MANEA: variants seen among roughly 807,000 people sequenced by gnomAD.
MANEA encodes the protein glycoprotein endo-alpha-1,2-mannosidase.
A neutral mutation model predicts 36.8 loss-of-function variants in MANEA; 25 were observed. The ratio of observed to expected loss-of-function variants is 0.68; its 90% CI spans 0.50 to 0.95. The LOEUF (loss-of-function observed/expected upper bound fraction) is 0.95. Among genes scored for constraint, MANEA ranks in the 40% least tolerant of loss-of-function variants. The pLI, the probability that MANEA is intolerant of heterozygous loss-of-function variation, is 0.00. For synonymous variants in MANEA, 198 were observed against 188.5 expected (o/e 1.05, Z -0.41); for missense variants, 565 against 558.8 (o/e 1.01, Z -0.11).
At chr6:95,585,638 G>T (rs1409338096) in intron 1 of MANEA, among the ~76,000 whole-genome samples, 1 of 151,878 alleles carries the variant, frequency 6.6e-6, no homozygotes, top group Non-Finnish European at 1.5e-5. Flanking sequence ...GAAAAAATTG[G>T]GAATATCTTA....
At chr6:95,580,786 A>T (rs75524712) in intron 1 of MANEA, among the ~76,000 whole-genome samples, 6,136 of 151,980 alleles carry the variant, frequency 0.04, 125 homozygotes, top group Non-Finnish European at 0.051. Context: ...AATAAAATAT[A>T]TGAGGAATAA....
intron 2 of MANEA, among the ~76,000 whole-genome samples, chr6:95,589,401 G>T (rs180688976): frequency 5.6e-4 from 85 of 152,214 alleles, no homozygotes; most frequent in African/African-American, 2.0e-3. Context: ...TTGAATTGCT[G>T]TGTGAAGTAA....
At chr6:95,603,290 C>T (rs1368223642) in intron 3 of MANEA, among the ~76,000 whole-genome samples, 3 of 151,808 alleles carry the variant, frequency 2.0e-5, no homozygotes, top group Non-Finnish European at 4.4e-5. Context: ...TTAGAAAACA[C>T]AGTGATGTAA....
intron 2 of MANEA, chr6:95,587,257 A>G (rs1769306686): frequency 5.2e-6 from 2 of 382,022 alleles, no homozygotes; most frequent in South Asian, 6.7e-5. Flanking sequence ...TTATTAAATT[A>G]TGATTTACAT....
chr6:95,600,892 T>A (rs1453629950), intron 3 of MANEA, among the ~76,000 whole-genome samples: 6 of 152,352 alleles, frequency 3.9e-5, no homozygotes, highest in African/African-American at 1.4e-4. Flanking sequence ...CTAATATTAG[T>A]CATTAAATAT....
chr6:95,578,319 T>C (rs2127935973), intron 1 of MANEA, among the ~76,000 whole-genome samples: 2 of 151,796 alleles, frequency 1.3e-5, no homozygotes, highest in Middle Eastern at 6.8e-3. Flanking sequence ...CAGGTATAAC[T>C]GTTTGGTTTT....
chr6:95,599,254 A>C (rs914416194), intron 3 of MANEA, among the ~76,000 whole-genome samples: 5 of 152,076 alleles, frequency 3.3e-5, no homozygotes, highest in African/African-American at 9.7e-5. Flanking sequence ...TTAGTATCTT[A>C]TTTCAAACAC....
chr6:95,583,980 C>A (rs1247690172), intron 1 of MANEA, among the ~76,000 whole-genome samples: 1 of 152,166 alleles, frequency 6.6e-6, no homozygotes, highest in Non-Finnish European at 1.5e-5. Context: ...CTGACTGGAG[C>A]TGCAGCAGAG....
chr6:95,601,467 C>A (rs1769588502), intron 3 of MANEA, among the ~76,000 whole-genome samples: 1 of 152,104 alleles, frequency 6.6e-6, no homozygotes, highest in Non-Finnish European at 1.5e-5. Flanking sequence ...TGATTATGCT[C>A]TTATTCTCTT....
At chr6:95,588,814 G>A (rs1253300685) in intron 2 of MANEA, among the ~76,000 whole-genome samples, 1 of 151,240 alleles carries the variant, frequency 6.6e-6, no homozygotes, top group Non-Finnish European at 1.5e-5. Context: ...AATAATATAT[G>A]TGGTAAATAT....
chr6:95,605,267 G>A (rs535324425), intron 4 of MANEA, among the ~76,000 whole-genome samples: 5 of 152,204 alleles, frequency 3.3e-5, no homozygotes, highest in South Asian at 2.1e-4. Flanking sequence ...TTTTAACACA[G>A]TAGACCCAGA....
chr6:95,589,079 A>T (rs1769337733), intron 2 of MANEA, among the ~76,000 whole-genome samples: 1 of 151,990 alleles, frequency 6.6e-6, no homozygotes, highest in African/African-American at 2.4e-5. Context: ...ATTTTCTCCT[A>T]GACAAAATTA....
intron 3 of MANEA, among the ~76,000 whole-genome samples, chr6:95,603,493 A>T (rs2127945435): frequency 6.6e-6 from 1 of 152,250 alleles, no homozygotes; most frequent in African/African-American, 2.4e-5. Flanking sequence ...TTTTTATGAC[A>T]GAAACTTACT....
At chr6:95,585,109 T>C (rs1489175739) in intron 1 of MANEA, among the ~76,000 whole-genome samples, 2 of 148,872 alleles carry the variant, frequency 1.3e-5, no homozygotes, top group Non-Finnish European at 1.5e-5. Flanking sequence ...ATTCATATGG[T>C]GTATATGTAC....
chr6:95,602,759 G>A (rs1417507636), intron 3 of MANEA, among the ~76,000 whole-genome samples: 1 of 151,824 alleles, frequency 6.6e-6, no homozygotes, highest in Non-Finnish European at 1.5e-5. Context: ...GGTGGCTCAC[G>A]CCTGTAATCC....
chr6:95,591,625 T>C (rs751803473), intron 2 of MANEA, among the ~76,000 whole-genome samples: 5 of 152,158 alleles, frequency 3.3e-5, no homozygotes, highest in Non-Finnish European at 7.4e-5. Context: ...TTGTTATTTA[T>C]CCTTCTTGGT....
At chr6:95,582,479 A>C (rs1769201879) in intron 1 of MANEA, among the ~76,000 whole-genome samples, 1 of 152,094 alleles carries the variant, frequency 6.6e-6, no homozygotes, top group African/African-American at 2.4e-5. Context: ...CACCACGCCC[A>C]GCCCATCCTT....
At chr6:95,581,699 A>C (rs1008715393) in intron 1 of MANEA, among the ~76,000 whole-genome samples, 7 of 152,318 alleles carry the variant, frequency 4.6e-5, no homozygotes, top group Non-Finnish European at 8.8e-5. Context: ...TTACATCTTA[A>C]GATTTATTAT....
rs67335804 is a variant in MANEA, at chr6:95,601,716, A to ATTTT, written c.655-3086_655-3083dup. ...AAAAGAAAATTAGGCAGATTCAGTGATTTTTTTTTTTTTTTTTTTTTTTTT... is the reference window on the plus strand; with the variant it reads ...AAAAGAAAATTAGGCAGATTCAGTGATTTTTTTTTTTTTTTTTTTTTTTTTTTTT... On this transcript the variant is annotated intron_variant, in intron 3 of 4. Transcript: ENST00000358812. Among the ~76,000 whole-genome samples the ATTTT allele has an allele frequency of 2.8e-4, 18 of 64,994 alleles. 1 individual carries two copies. Among genetic ancestry groups the ATTTT allele is most frequent in the African/African-American group, 5.1e-4 (8 of 15,770 alleles). The allele number at this position is 64,994 out of a possible 152,430, so 42.6% of individuals were successfully genotyped here. A position where few individuals can be genotyped will look rare whatever the true frequency, so the allele number is the denominator to read the frequency against.
Sources: allele counts gnomAD v4.1 joint callset (sites outside exome capture counted in the v4.1 genomes callset), GRCh38; gene constraint gnomAD v4.1.1; transcripts MANE v1.5; gene names NCBI Gene and HGNC (gene_info 2026-07-23, HGNC 2026-07-21).